The following AGBL4 variants were observed in gnomAD, a reference collection of about 807,000 sequenced individuals.
AGBL4 encodes AGBL carboxypeptidase 4.
In AGBL4, 58 loss-of-function variants were observed where a neutral mutation model predicts 66.4. The observed-to-expected ratio is 0.87, with a 90% CI of 0.71 to 1.09. The LOEUF is 1.09. Among genes scored for constraint, AGBL4 ranks in the 50% least tolerant of loss-of-function variants. The probability of loss-of-function intolerance (pLI) is 0.00; values close to 1 mark genes in which losing one functional copy is unlikely to be tolerated. For synonymous variants in AGBL4, 234 were observed against 222.9 expected (o/e 1.05, Z -0.44); for missense variants, 579 against 631.0 (o/e 0.92, Z 0.88).
chr1:49,361,962 C>G (rs1481589155), intron 3 of AGBL4, among the ~76,000 whole-genome samples: 1 of 152,134 alleles, frequency 6.6e-6, no homozygotes, highest in Admixed American at 6.5e-5. Context: ...TATATCAAAA[C>G]AGATCTCTTT....
At chr1:49,167,646 G>A (rs1363026279) in intron 4 of AGBL4, among the ~76,000 whole-genome samples, 3 of 152,144 alleles carry the variant, frequency 2.0e-5, no homozygotes, top group Non-Finnish European at 4.4e-5. Context: ...ATATACAAAG[G>A]TAGAAAATAA....
At chr1:48,910,274 C>T (rs1314035564) in intron 5 of AGBL4, among the ~76,000 whole-genome samples, 1 of 152,106 alleles carries the variant, frequency 6.6e-6, no homozygotes, top group East Asian at 1.9e-4. Flanking sequence ...ACGTGAAATG[C>T]GACTGAACCA....
intron 6 of AGBL4, among the ~76,000 whole-genome samples, chr1:48,672,457 A>G (rs1361837497): frequency 6.6e-6 from 1 of 152,220 alleles, no homozygotes; most frequent in Non-Finnish European, 1.5e-5. Flanking sequence ...TCACTCGAGG[A>G]GCCAACACAA....
intron 7 of AGBL4, among the ~76,000 whole-genome samples, chr1:48,657,439 C>T (rs952255763): frequency 4.6e-5 from 7 of 152,170 alleles, no homozygotes; most frequent in South Asian, 2.1e-4. Context: ...TGGAGAGCTC[C>T]ATCCGGCTGC....
At chr1:48,667,237 G>A (rs972318242) in intron 6 of AGBL4, among the ~76,000 whole-genome samples, 1 of 152,190 alleles carries the variant, frequency 6.6e-6, no homozygotes, top group Non-Finnish European at 1.5e-5. Context: ...AAGTGATGGT[G>A]TGCCACTTCT....
rs936206298 is a variant in AGBL4, at chr1:49,542,845, G to A, written c.282+154468C>T. Among the ~76,000 whole-genome samples, 23 of 129,012 alleles carry A rather than the reference G, an allele frequency of 1.8e-4. No homozygotes were observed. The Admixed American group carries it at 2.1e-3, about 12-fold the overall frequency. 84.6% of individuals were successfully genotyped at this position (129,012 alleles called of 152,430 possible). A position where few individuals can be genotyped will look rare whatever the true frequency, so the allele number is the denominator to read the frequency against. ...ACCTGGTAGGTGGAGCCTGCAGTGA[G>A]CTCAGATTGCACCACTTCACTCCAG... On this transcript the variant is annotated intron_variant, in intron 3 of 13. Coordinates refer to ENST00000371839, the MANE Select transcript of AGBL4 (RefSeq NM_032785.4).
At chr1:49,096,271 G>A (rs1645100186) in intron 4 of AGBL4, among the ~76,000 whole-genome samples, 1 of 152,156 alleles carries the variant, frequency 6.6e-6, no homozygotes, top group Non-Finnish European at 1.5e-5. Flanking sequence ...CATTGTGGAA[G>A]TCAGTGTGGC....
chr1:48,631,855 A>T (rs1645598877), intron 9 of AGBL4, among the ~76,000 whole-genome samples: 1 of 152,218 alleles, frequency 6.6e-6, no homozygotes. Context: ...ACAGGACAGT[A>T]GGTATAAACC....
intron 3 of AGBL4, among the ~76,000 whole-genome samples, chr1:49,588,724 A>G (rs1435856126): frequency 6.6e-6 from 1 of 152,210 alleles, no homozygotes; most frequent in Non-Finnish European, 1.5e-5. Flanking sequence ...GCCACATACT[A>G]CATACTAGGT....
chr1:49,394,588 GAGAAAGAAAAA>G (rs1321649155), intron 3 of AGBL4, among the ~76,000 whole-genome samples: 7 of 151,904 alleles, frequency 4.6e-5, no homozygotes, highest in African/African-American at 1.7e-4. Flanking sequence ...TCTTCCTCCA[GAGAAAGAAAAA>G]AGAAAGAAAA....
At chr1:48,830,761 A>C (rs568031035) in intron 6 of AGBL4, among the ~76,000 whole-genome samples, 36 of 152,360 alleles carry the variant, frequency 2.4e-4, no homozygotes, top group African/African-American at 8.4e-4. Context: ...GCTTTTGGGA[A>C]TAGATCATAA....
intron 6 of AGBL4, among the ~76,000 whole-genome samples, chr1:48,699,226 C>T (rs982068085): frequency 6.6e-6 from 1 of 152,182 alleles, no homozygotes; most frequent in African/African-American, 2.4e-5. Context: ...GGCTAGGTTG[C>T]TTAATGCTCT....
In AGBL4 at chr1:48,641,938, A is replaced by G. The variant is rs538088639; in HGVS notation, c.840-7334T>C. On this transcript the variant is annotated intron_variant, in intron 8 of 13. Coordinates refer to ENST00000371839, the MANE Select transcript of AGBL4 (RefSeq NM_032785.4). Reference sequence around the variant, plus strand: ...TTTAAATGGGGAATCTAAGTTTCAAATGAGGGACTAACATGAAAGGTTCCT... The same window carrying G: ...TTTAAATGGGGAATCTAAGTTTCAAGTGAGGGACTAACATGAAAGGTTCCT... 3.3e-5 allele frequency among the ~76,000 whole-genome samples: 5 copies of G among 152,272 alleles called. No homozygotes were observed. In the East Asian group the frequency reaches 9.7e-4, roughly 29 times the overall value.
At chr1:49,379,230 C>T (rs907952765) in intron 3 of AGBL4, among the ~76,000 whole-genome samples, 3 of 152,218 alleles carry the variant, frequency 2.0e-5, no homozygotes, top group South Asian at 4.1e-4. Flanking sequence ...TTCTATCATT[C>T]CCCACTTTGT....
intron 5 of AGBL4, among the ~76,000 whole-genome samples, chr1:48,955,055 G>A (rs1185306330): frequency 1.3e-5 from 2 of 152,064 alleles, no homozygotes; most frequent in African/African-American, 4.8e-5. Flanking sequence ...TTCAGAATTG[G>A]GCCTGTATTT....
intron 3 of AGBL4, among the ~76,000 whole-genome samples, chr1:49,511,200 C>T (rs1170077696): frequency 6.6e-6 from 1 of 151,588 alleles, no homozygotes; most frequent in Non-Finnish European, 1.5e-5. Context: ...GACTTGGAAC[C>T]AAGCCAAATG....
intron 6 of AGBL4, among the ~76,000 whole-genome samples, chr1:48,739,929 T>C (rs546275732): frequency 6.6e-6 from 1 of 152,330 alleles, no homozygotes; most frequent in African/African-American, 2.4e-5. Flanking sequence ...CTTAGAGCCT[T>C]TGCCACCTGA....
At chr1:49,454,667 C>T (rs1263925963) in intron 3 of AGBL4, among the ~76,000 whole-genome samples, 1 of 151,530 alleles carries the variant, frequency 6.6e-6, no homozygotes, top group Middle Eastern at 3.2e-3. Flanking sequence ...TCATTAAGTA[C>T]TTAAGGGAGT....
At chr1:49,591,659 G>A (rs1163317074) in intron 3 of AGBL4, among the ~76,000 whole-genome samples, 1 of 152,114 alleles carries the variant, frequency 6.6e-6, no homozygotes, top group Non-Finnish European at 1.5e-5. Context: ...AACAAAGCCA[G>A]AAGAATCACT....
Sources: allele counts gnomAD v4.1 joint callset (sites outside exome capture counted in the v4.1 genomes callset), GRCh38; gene constraint gnomAD v4.1.1; transcripts MANE v1.5; gene names NCBI Gene and HGNC (gene_info 2026-07-23, HGNC 2026-07-21).